Variants in ARHGEF38 observed in about 807,000 individuals in gnomAD.
ARHGEF38 encodes Rho guanine nucleotide exchange factor (GEF) 38.
Under a neutral mutation model 79.9 loss-of-function variants are expected in ARHGEF38, and 79 were observed. That is an observed-to-expected ratio of 0.99 (90% confidence interval 0.82 to 1.19). The LOEUF (loss-of-function observed/expected upper bound fraction) is 1.19, where lower values mean the gene tolerates loss of function less well. Ranked by LOEUF, ARHGEF38 falls within the 50% of genes most tolerant of loss-of-function variation. ARHGEF38 has a pLI of 0.00. For synonymous variants in ARHGEF38, 366 were observed against 328.3 expected (o/e 1.11, Z -1.24); for missense variants, 962 against 907.2 (o/e 1.06, Z -0.78).
intron 7 of ARHGEF38, among the ~76,000 whole-genome samples, chr4:105,652,029 T>A (rs1485297472): frequency 2.0e-5 from 3 of 152,200 alleles, no homozygotes; most frequent in African/African-American, 7.2e-5. Context: ...TTCATCCACA[T>A]CCTATTTGCA....
At chr4:105,624,466 A>G (rs11940576) in intron 3 of ARHGEF38, among the ~76,000 whole-genome samples, 1,581 of 152,270 alleles carry the variant, frequency 0.01, 27 homozygotes, top group African/African-American at 0.036. Context: ...CCATGGCTGC[A>G]TGTCCCACCT....
At chr4:105,645,650 A>T (rs1022441909) in intron 6 of ARHGEF38, among the ~76,000 whole-genome samples, 1 of 152,210 alleles carries the variant, frequency 6.6e-6, no homozygotes, top group Non-Finnish European at 1.5e-5. Context: ...TCCTGGTGAC[A>T]TATTGTGGGC....
chr4:105,574,951 A>G (rs577310743), intron 1 of ARHGEF38, among the ~76,000 whole-genome samples: 1 of 151,872 alleles, frequency 6.6e-6, no homozygotes, highest in East Asian at 1.9e-4. Context: ...CATAGCACAT[A>G]TATATATGCA....
At chr4:105,590,608 T>C (rs1023029080) in intron 2 of ARHGEF38, among the ~76,000 whole-genome samples, 1 of 152,242 alleles carries the variant, frequency 6.6e-6, no homozygotes, top group African/African-American at 2.4e-5. Context: ...TGTCTACTAT[T>C]ACAGTGGTTG....
intron 3 of ARHGEF38, among the ~76,000 whole-genome samples, chr4:105,625,800 G>A (rs76321144): frequency 1.4e-4 from 22 of 152,248 alleles, no homozygotes; most frequent in Non-Finnish European, 2.8e-4. Flanking sequence ...ATGACCATGG[G>A]GAGACAGCTA....
intron 9 of ARHGEF38, among the ~76,000 whole-genome samples, chr4:105,658,032 G>A (rs1361714113): frequency 6.6e-6 from 1 of 152,130 alleles, no homozygotes; most frequent in East Asian, 1.9e-4. Context: ...ATTAAATCTA[G>A]GATGATCAGG....
chr4:105,636,114 C>T (rs180814023), intron 4 of ARHGEF38, among the ~76,000 whole-genome samples: 186 of 152,036 alleles, frequency 1.2e-3, no homozygotes, highest in Non-Finnish European at 1.9e-3. Context: ...ATATTGAAAA[C>T]ATTTATTGTA....
At chr4:105,682,101 G>T (rs933909009), downstream of ARHGEF38, among the ~76,000 whole-genome samples, 5 of 152,050 alleles carry the variant, frequency 3.3e-5, no homozygotes, top group African/African-American at 4.8e-5. Context: ...AAAAAATATT[G>T]TATTAAGCAC....
At chr4:105,657,235 A>G (rs117866657) in intron 9 of ARHGEF38, among the ~76,000 whole-genome samples, 1 of 152,286 alleles carries the variant, frequency 6.6e-6, no homozygotes, top group East Asian at 1.9e-4. Context: ...GTACCACCTG[A>G]AAGTGTGATA....
chr4:105,642,291 T>G (rs898782115), intron 5 of ARHGEF38, among the ~76,000 whole-genome samples: 8 of 152,202 alleles, frequency 5.3e-5, no homozygotes, highest in African/African-American at 1.9e-4. Context: ...CTCTCTCAAG[T>G]ATATCTCCAG....
chr4:105,668,543 G>C (rs1730841831), intron 13 of ARHGEF38, among the ~76,000 whole-genome samples: 1 of 151,842 alleles, frequency 6.6e-6, no homozygotes, highest in South Asian at 2.1e-4. Flanking sequence ...TATACTTAAT[G>C]GTTCATTCCC....
At chr4:105,560,928 C>G (rs1024066764) in intron 1 of ARHGEF38, among the ~76,000 whole-genome samples, 1 of 152,126 alleles carries the variant, frequency 6.6e-6, no homozygotes, top group Non-Finnish European at 1.5e-5. Context: ...TTGTTTACCT[C>G]TCTCAGATTT....
At chr4:105,605,021 C>G (rs1247478867) in intron 2 of ARHGEF38, among the ~76,000 whole-genome samples, 1 of 152,132 alleles carries the variant, frequency 6.6e-6, no homozygotes, top group African/African-American at 2.4e-5. Flanking sequence ...TACTAGCCCT[C>G]CAGCTCAAAA....
intron 4 of ARHGEF38, chr4:105,631,291 G>T: frequency 8.9e-7 from 1 of 1,128,122 alleles, no homozygotes; most frequent in Non-Finnish European, 1.1e-6. Flanking sequence ...ATTGAAAAAT[G>T]CAATATCAAA....
intron 1 of ARHGEF38, among the ~76,000 whole-genome samples, chr4:105,570,803 C>A (rs1258648587): frequency 6.6e-6 from 1 of 152,178 alleles, no homozygotes; most frequent in Non-Finnish European, 1.5e-5. Flanking sequence ...GGAGCATCAT[C>A]AGCCTTAAAA....
intron 13 of ARHGEF38, among the ~76,000 whole-genome samples, chr4:105,668,118 A>G (rs548545433): frequency 4.6e-5 from 7 of 152,238 alleles, no homozygotes; most frequent in South Asian, 4.1e-4. Context: ...TCATTGAGCT[A>G]TCTAGTAATT....
intron 3 of ARHGEF38, among the ~76,000 whole-genome samples, chr4:105,621,669 A>C (rs114997245): frequency 7.1e-4 from 108 of 152,320 alleles, no homozygotes; most frequent in Admixed American, 2.2e-3. Flanking sequence ...CTGACAATTC[A>C]TATCATAATG....
chr4:105,651,648 CTCTT>C (rs997412201), intron 7 of ARHGEF38, among the ~76,000 whole-genome samples: 1 of 152,134 alleles, frequency 6.6e-6, no homozygotes, highest in African/African-American at 2.4e-5. Flanking sequence ...ATTTCTCTCT[CTCTT>C]TTTTTAAATT....
intron 13 of ARHGEF38, among the ~76,000 whole-genome samples, chr4:105,669,680 A>G (rs2110581241): frequency 6.6e-6 from 1 of 152,196 alleles, no homozygotes. Flanking sequence ...TTTAGTATAT[A>G]TTACAAAGTT....
Sources: allele counts gnomAD v4.1 joint callset (sites outside exome capture counted in the v4.1 genomes callset), GRCh38; gene constraint gnomAD v4.1.1; transcripts MANE v1.5; gene names NCBI Gene and HGNC (gene_info 2026-07-23, HGNC 2026-07-21).